EIF2B3: variants seen among roughly 807,000 people sequenced by gnomAD.
The protein encoded by EIF2B3 is eukaryotic translation initiation factor 2B subunit gamma.
A neutral mutation model predicts 54.1 loss-of-function variants in EIF2B3; 20 were observed. That is an observed-to-expected ratio of 0.37 (90% CI 0.26 to 0.54). The LOEUF (loss-of-function observed/expected upper bound fraction) is 0.54, where lower values mean the gene tolerates loss of function less well. Among genes scored for constraint, EIF2B3 ranks in the 20% least tolerant of loss-of-function variants. The pLI is 0.86. For synonymous variants in EIF2B3, 153 were observed against 188.1 expected (o/e 0.81, Z 1.52); for missense variants, 448 against 547.8 (o/e 0.82, Z 1.82).
chr1:44,960,336 T>C (rs546010193), intron 3 of EIF2B3, among the ~76,000 whole-genome samples: 2 of 152,046 alleles, frequency 1.3e-5, no homozygotes, highest in Admixed American at 6.6e-5. Context: ...TAAAAACTAA[T>C]ACTGTTTAAA....
At chr1:44,851,037 C>T (rs1337027930) in intron 11 of EIF2B3, 34 bp from the exon 12 acceptor site, 16 of 1,607,578 alleles carry the variant, frequency 1.0e-5, no homozygotes, top group Non-Finnish European at 1.3e-5. Flanking sequence ...TTTCTGAGAA[C>T]TGGCAGCAAG....
intron 5 of EIF2B3, among the ~76,000 whole-genome samples, chr1:44,915,952 GT>G: frequency 6.6e-6 from 1 of 152,050 alleles, no homozygotes; most frequent in East Asian, 1.9e-4. Flanking sequence ...AATTATTATG[GT>G]TTTTTTAGGT....
intron 3 of EIF2B3, among the ~76,000 whole-genome samples, chr1:44,955,071 C>T (rs566437480): frequency 6.6e-4 from 100 of 152,108 alleles, no homozygotes; most frequent in Middle Eastern, 6.8e-3. Context: ...GGGATGAAGC[C>T]GACTTGATTG....
chr1:44,907,994 G>A (rs11211053), intron 5 of EIF2B3, among the ~76,000 whole-genome samples: 27,181 of 151,396 alleles, frequency 0.18, 2,696 homozygotes, highest in Admixed American at 0.28. Flanking sequence ...TCATGAGGTA[G>A]AGTCTATTTT....
chr1:44,888,218 C>T (rs2148909593), intron 6 of EIF2B3, among the ~76,000 whole-genome samples: 2 of 151,370 alleles, frequency 1.3e-5, no homozygotes, highest in South Asian at 4.2e-4. Context: ...TATGTTTTGT[C>T]ACATGTATTT....
chr1:44,944,619 C>G (rs34520910), intron 3 of EIF2B3, among the ~76,000 whole-genome samples: 3,330 of 152,214 alleles, frequency 0.022, 45 homozygotes, highest in Non-Finnish European at 0.034. Flanking sequence ...ACAGTAAGAC[C>G]CCATCTCTAA....
At chr1:44,915,693 A>G (rs187120554) in intron 5 of EIF2B3, among the ~76,000 whole-genome samples, 11 of 152,310 alleles carry the variant, frequency 7.2e-5, no homozygotes, top group African/African-American at 2.6e-4. Flanking sequence ...AATAACAATC[A>G]TTATAGACAT....
intron 7 of EIF2B3, among the ~76,000 whole-genome samples, chr1:44,880,474 T>G (rs1266569491): frequency 6.6e-6 from 1 of 152,148 alleles, no homozygotes; most frequent in East Asian, 1.9e-4. Context: ...GCATCCAGGC[T>G]TTAGTGGCCA....
intron 11 of EIF2B3, among the ~76,000 whole-genome samples, chr1:44,855,982 G>A (rs971705564): frequency 1.3e-5 from 2 of 152,118 alleles, no homozygotes; most frequent in Non-Finnish European, 2.9e-5. Flanking sequence ...TCTGCTATGG[G>A]GAGTCATGGG....
At chr1:44,913,623 G>A (rs941718938) in intron 5 of EIF2B3, among the ~76,000 whole-genome samples, 3 of 151,998 alleles carry the variant, frequency 2.0e-5, no homozygotes, top group East Asian at 1.9e-4. Context: ...TCCCGTCTCC[G>A]CCTCCCAAGT....
chr1:44,966,846 G>A (rs866453892), intron 3 of EIF2B3, among the ~76,000 whole-genome samples: 3 of 151,950 alleles, frequency 2.0e-5, no homozygotes, highest in African/African-American at 4.8e-5. Flanking sequence ...TTTTTGAGAC[G>A]GAGTCTCACT....
chr1:44,882,543 A>G (rs191869868), intron 6 of EIF2B3, among the ~76,000 whole-genome samples: 1 of 151,800 alleles, frequency 6.6e-6, no homozygotes. Context: ...CCCAGGTTCA[A>G]GTGATTCTCC....
At chr1:44,924,670 G>A (rs1643818140) in intron 5 of EIF2B3, among the ~76,000 whole-genome samples, 1 of 152,212 alleles carries the variant, frequency 6.6e-6, no homozygotes, top group Non-Finnish European at 1.5e-5. Flanking sequence ...ACAGGCGTGA[G>A]CCACCATGCC....
intron 10 of EIF2B3, among the ~76,000 whole-genome samples, chr1:44,873,292 C>G (rs1454624619): frequency 1.3e-5 from 2 of 152,220 alleles, no homozygotes; most frequent in African/African-American, 4.8e-5. Flanking sequence ...CCAGAGGCAA[C>G]TCTTTTAATT....
At chr1:44,886,693 T>G (rs912347768) in intron 6 of EIF2B3, among the ~76,000 whole-genome samples, 9 of 152,222 alleles carry the variant, frequency 5.9e-5, no homozygotes, top group African/African-American at 2.2e-4. Context: ...CTGCTGAGTG[T>G]TCAAACCGTG....
intron 10 of EIF2B3, among the ~76,000 whole-genome samples, chr1:44,867,276 G>A (rs1654811875): frequency 6.6e-6 from 1 of 152,132 alleles, no homozygotes; most frequent in Non-Finnish European, 1.5e-5. Flanking sequence ...ATACAGGGCT[G>A]ACACTCAAGC....
intron 3 of EIF2B3, among the ~76,000 whole-genome samples, chr1:44,974,367 G>A (rs886240963): frequency 3.3e-5 from 5 of 151,740 alleles, no homozygotes; most frequent in Non-Finnish European, 7.4e-5. Flanking sequence ...CAGCTACTTG[G>A]GAGGCTTAGG....
rs529620957 is a variant in EIF2B3, at chr1:44,889,669, C to T, written c.656+7686G>A. Among the ~76,000 whole-genome samples the T allele has an allele frequency of 2.3e-4, 35 of 151,996 alleles. No individual in the cohort carries two copies. In the East Asian group the frequency reaches 5.0e-3, roughly 22 times the overall value. On this transcript the variant is annotated intron_variant, in intron 6 of 11. Coordinates refer to ENST00000360403, the MANE Select transcript of EIF2B3 (RefSeq NM_020365.5). ...TCAGCCTCCTGAGTAGCTAGGATTA[C>T]AGGCACACGCCACCACACCTGGATA...
intron 1 of EIF2B3, among the ~76,000 whole-genome samples, chr1:44,984,069 C>T (rs1644543656): frequency 6.6e-6 from 1 of 152,096 alleles, no homozygotes; most frequent in African/African-American, 2.4e-5. Context: ...ATCCCAGCTA[C>T]TCAGGTGGCT....
Sources: gnomAD v4.1 joint callset for allele counts (sites outside exome capture counted in the v4.1 genomes callset) on GRCh38, gnomAD v4.1.1 for gene constraint, MANE v1.5 for transcripts, NCBI Gene and HGNC (gene_info 2026-07-23, HGNC 2026-07-21) for gene names.